Variants in PRKAA1 observed in about 807,000 individuals in gnomAD.
The protein encoded by PRKAA1 is protein kinase AMP-activated catalytic subunit alpha 1, also known as 5'-AMP-activated protein kinase catalytic subunit alpha-1.
PRKAA1 carries 23 observed loss-of-function variants against 56.9 expected under a neutral mutation model. That is an observed-to-expected ratio of 0.40 (90% CI 0.29 to 0.57). The LOEUF (loss-of-function observed/expected upper bound fraction) is 0.57, where lower values mean the gene tolerates loss of function less well. Ranked by LOEUF, PRKAA1 falls within the 20% of genes least tolerant of loss-of-function variation. The probability of loss-of-function intolerance (pLI) is 0.39; values close to 1 mark genes in which losing one functional copy is unlikely to be tolerated. For synonymous variants in PRKAA1, 226 were observed against 227.0 expected (o/e 1.00, Z 0.04); for missense variants, 413 against 679.7 (o/e 0.61, Z 4.36).
intron 1 of PRKAA1, among the ~76,000 whole-genome samples, chr5:40,778,147 G>A (rs2112044307): frequency 1.3e-5 from 2 of 152,292 alleles, no homozygotes; most frequent in East Asian, 3.9e-4. Context: ...CTACTTGGGA[G>A]GTGAAGCAGG....
chr5:40,794,037 G>A (rs1744824840), intron 1 of PRKAA1, among the ~76,000 whole-genome samples: 1 of 152,016 alleles, frequency 6.6e-6, no homozygotes, highest in South Asian at 2.1e-4. Flanking sequence ...GGGAGGCAGA[G>A]GTTGCAATGA....
chr5:40,770,838 G>A (rs187054752), intron 4 of PRKAA1, among the ~76,000 whole-genome samples: 36 of 151,946 alleles, frequency 2.4e-4, no homozygotes, highest in Non-Finnish European at 4.9e-4. Context: ...TGATCCGCCC[G>A]CCTCGGCCTC....
At chr5:40,778,517 T>G (rs532165562) in intron 1 of PRKAA1, among the ~76,000 whole-genome samples, 63 of 152,202 alleles carry the variant, frequency 4.1e-4, no homozygotes, top group African/African-American at 1.4e-3. Context: ...TTTTAATTTT[T>G]CACCTTTTAA....
chr5:40,764,175 A>C (rs911668810), intron 8 of PRKAA1: 1 of 165,768 alleles, frequency 6.0e-6, no homozygotes, highest in African/African-American at 2.4e-5. Flanking sequence ...AAAAGCTTAC[A>C]GAAGAGTCAA....
At position 40,760,907 on chromosome 5, in the gene PRKAA1, T is replaced by G. The variant is rs1310563058; in HGVS notation, c.*1871A>C. Reference sequence around the variant, plus strand: ...TGATTAATACAAAAAAATCAATTTCTTAAAGTTAACATAAGGCAAATATAA... The same window carrying G: ...TGATTAATACAAAAAAATCAATTTCGTAAAGTTAACATAAGGCAAATATAA... On this transcript the variant is annotated 3_prime_UTR_variant, in exon 9 of 9. Coordinates refer to ENST00000397128, the MANE Select transcript of PRKAA1 (RefSeq NM_006251.6). 2 of 152,264 alleles carry G rather than the reference T, an allele frequency of 1.3e-5. No individual in the cohort carries two copies. Among genetic ancestry groups the G allele is most frequent in the African/African-American group, 4.8e-5 (2 of 41,438 alleles). 9.4% of individuals were successfully genotyped at this position (152,264 alleles called of 1,614,324 possible).
intron 4 of PRKAA1, among the ~76,000 whole-genome samples, chr5:40,770,975 TA>T (rs1343530825): frequency 6.6e-6 from 1 of 152,020 alleles, no homozygotes; most frequent in Non-Finnish European, 1.5e-5. Context: ...AATTTTTAAA[TA>T]AATTTTTTTA....
intron 1 of PRKAA1, among the ~76,000 whole-genome samples, chr5:40,790,755 G>A (rs144989395): frequency 0.01 from 1,564 of 152,162 alleles, 20 homozygotes; most frequent in African/African-American, 0.032. Context: ...GGCCAGGATG[G>A]TCTCAATATC....
At chr5:40,773,479 A>T (rs1004265012) in intron 3 of PRKAA1, among the ~76,000 whole-genome samples, 2 of 152,212 alleles carry the variant, frequency 1.3e-5, no homozygotes, top group Non-Finnish European at 2.9e-5. Flanking sequence ...AATGTAACAG[A>T]TTAAATCTTT....
chr5:40,779,414 C>T (rs898074922), intron 1 of PRKAA1, among the ~76,000 whole-genome samples: 1 of 152,020 alleles, frequency 6.6e-6, no homozygotes, highest in African/African-American at 2.4e-5. Context: ...ATTTGAGAAA[C>T]ATAAAAACAC....
chr5:40,760,283 C>T lies in PRKAA1; in HGVS notation c.*2495G>A, dbSNP rs190893022. The T allele has an allele frequency of 2.0e-5, 3 of 152,708 alleles. No homozygotes were observed. The highest frequency in any genetic ancestry group is 2.1e-4 in the South Asian group (1 of 4,832). The allele number at this position is 152,708 out of a possible 1,614,324, so 9.5% of individuals were successfully genotyped here. A position where few individuals can be genotyped will look rare whatever the true frequency, so the allele number is the denominator to read the frequency against. On this transcript the variant is annotated 3_prime_UTR_variant, in exon 9 of 9. Coordinates refer to ENST00000397128, the MANE Select transcript of PRKAA1 (RefSeq NM_006251.6). ...TGCAATTGTCTGTGCATTTATCATA[C>T]TATTTATAGAAGTGCAATATTTAAA...
chr5:40,790,677 C>A (rs1348750059), intron 1 of PRKAA1, among the ~76,000 whole-genome samples: 1 of 152,028 alleles, frequency 6.6e-6, no homozygotes, highest in East Asian at 1.9e-4. Context: ...GTAGCTGGGA[C>A]AACAGGCGCA....
At chr5:40,795,211 G>C (rs1207099353) in intron 1 of PRKAA1, among the ~76,000 whole-genome samples, 1 of 152,080 alleles carries the variant, frequency 6.6e-6, no homozygotes, top group Non-Finnish European at 1.5e-5. Flanking sequence ...GCATAAGAAT[G>C]ATACAGTGGA....
chr5:40,784,291 A>G (rs529440898), intron 1 of PRKAA1, among the ~76,000 whole-genome samples: 149 of 152,296 alleles, frequency 9.8e-4, no homozygotes, highest in African/African-American at 3.1e-3. Flanking sequence ...ATCCAGGTAC[A>G]TAAGTGCTAA....
chr5:40,775,062 GATTA>G, intron 3 of PRKAA1: 1 of 972,564 alleles, frequency 1.0e-6, no homozygotes, highest in South Asian at 1.5e-5. Context: ...ATTTTGTAAC[GATTA>G]ATTACATTAA....
chr5:40,782,293 G>A (rs1388715967), intron 1 of PRKAA1, among the ~76,000 whole-genome samples: 1 of 152,118 alleles, frequency 6.6e-6, no homozygotes, highest in African/African-American at 2.4e-5. Context: ...CATATATCCT[G>A]TCATTTAATA....
intron 1 of PRKAA1, among the ~76,000 whole-genome samples, chr5:40,786,402 A>C (rs182584316): frequency 2.6e-5 from 4 of 152,210 alleles, no homozygotes; most frequent in African/African-American, 9.6e-5. Flanking sequence ...TGTTGCTGTA[A>C]GTCATTGAGT....
At chr5:40,787,547 G>C (rs1744544619) in intron 1 of PRKAA1, among the ~76,000 whole-genome samples, 1 of 151,960 alleles carries the variant, frequency 6.6e-6, no homozygotes, top group South Asian at 2.1e-4. Context: ...TGTATATCGT[G>C]ACATCATGAA....
chr5:40,791,504 C>A (rs1438509089), intron 1 of PRKAA1, among the ~76,000 whole-genome samples: 4 of 152,156 alleles, frequency 2.6e-5, no homozygotes, highest in Non-Finnish European at 5.9e-5. Context: ...AACAAATGCT[C>A]TTCTAATTAG....
intron 1 of PRKAA1, among the ~76,000 whole-genome samples, chr5:40,788,421 T>G (rs921784079): frequency 1.6e-4 from 24 of 152,144 alleles, no homozygotes; most frequent in Non-Finnish European, 2.5e-4. Flanking sequence ...GAAGAAAACT[T>G]AGGCGAGAAG....
Sources: allele counts gnomAD v4.1 joint callset (sites outside exome capture counted in the v4.1 genomes callset), GRCh38; gene constraint gnomAD v4.1.1; transcripts MANE v1.5; gene names NCBI Gene and HGNC (gene_info 2026-07-23, HGNC 2026-07-21).